Variants in TTC33 observed in about 807,000 individuals in gnomAD.
TTC33 encodes tetratricopeptide repeat domain 33, also known as tetratricopeptide repeat protein 33.
A neutral mutation model predicts 29.4 loss-of-function variants in TTC33; 24 were observed. That is an observed-to-expected ratio of 0.82 (90% CI 0.59 to 1.15). The LOEUF is 1.15. Ranked by LOEUF, TTC33 falls within the 50% of genes most tolerant of loss-of-function variation. The pLI is 0.00. For synonymous variants in TTC33, 107 were observed against 100.3 expected, an observed-to-expected ratio of 1.07 and a Z score of -0.40; for missense variants, 286 against 310.4, an observed-to-expected ratio of 0.92 and a Z score of 0.59.
intron 2 of TTC33, among the ~76,000 whole-genome samples, chr5:40,741,139 C>T (rs1033322413): frequency 6.6e-6 from 1 of 152,176 alleles, no homozygotes; most frequent in Non-Finnish European, 1.5e-5. Context: ...TGATTAGATG[C>T]TGAATATTTT....
chr5:40,733,960 G>A (rs1402438902), intron 2 of TTC33, among the ~76,000 whole-genome samples: 4 of 152,134 alleles, frequency 2.6e-5, no homozygotes, highest in Admixed American at 2.6e-4. Flanking sequence ...AAAGAAAAAT[G>A]TCCTCTCTTC....
chr5:40,738,613 G>T (rs1182422619), intron 2 of TTC33, among the ~76,000 whole-genome samples: 1 of 118,568 alleles, frequency 8.4e-6, no homozygotes, highest in South Asian at 2.8e-4. Flanking sequence ...ATAAAAAAGT[G>T]AAACAACCAG....
intron 2 of TTC33, among the ~76,000 whole-genome samples, chr5:40,734,050 C>T (rs555976211): frequency 1.3e-5 from 2 of 152,296 alleles, no homozygotes; most frequent in South Asian, 4.1e-4. Flanking sequence ...TGCTTTGTTG[C>T]CAACGAGGCC....
At chr5:40,753,788 CA>C (rs2111945967) in intron 1 of TTC33, among the ~76,000 whole-genome samples, 1 of 152,126 alleles carries the variant, frequency 6.6e-6, no homozygotes, top group South Asian at 2.1e-4. Flanking sequence ...TTCAAGATTC[CA>C]AATGAAACTT....
At chr5:40,727,717 A>G (rs1327055354) in intron 4 of TTC33, among the ~76,000 whole-genome samples, 1 of 152,202 alleles carries the variant, frequency 6.6e-6, no homozygotes, top group Non-Finnish European at 1.5e-5. Flanking sequence ...GTAATGATCC[A>G]AAGAACTAAG....
chr5:40,726,517 CAG>C (rs1435810609), intron 4 of TTC33, among the ~76,000 whole-genome samples: 1 of 146,260 alleles, frequency 6.8e-6, no homozygotes, highest in African/African-American at 2.5e-5. Flanking sequence ...TACATAAAAA[CAG>C]AGAAGATTCC....
At chr5:40,747,116 T>G (rs1053161339) in intron 1 of TTC33, 97 bp from the exon 2 acceptor site, 5 of 1,077,256 alleles carry the variant, frequency 4.6e-6, no homozygotes, top group Non-Finnish European at 6.6e-6. Flanking sequence ...TGGAGTACGA[T>G]GGCACGACCT....
rs189335584 is a variant in TTC33 at position 40,751,818 on chromosome 5, G to T, written c.-2+4006C>A. On this transcript the variant is annotated intron_variant, in intron 1 of 4. Transcript: ENST00000337702. The stretch of plus-strand genomic sequence containing the variant: ...CTAAAAATACAAAAATTAGCTGGGC[G>T]TGGTGGCGCACGCCTGTAGTCCCAG... Among the ~76,000 whole-genome samples, 279 of 152,162 alleles carry T rather than the reference G, an allele frequency of 1.8e-3. 1 individual carries two copies. Among genetic ancestry groups the T allele is most frequent in the Middle Eastern group, 0.017 (5 of 294 alleles).
chr5:40,726,697 TCC>T (rs1277260911), intron 4 of TTC33, among the ~76,000 whole-genome samples: 4 of 152,052 alleles, frequency 2.6e-5, no homozygotes, highest in Non-Finnish European at 5.9e-5. Context: ...TCAAAGTATC[TCC>T]GTCTCACCTG....
chr5:40,740,967 ATGTT>A (rs1401901590), intron 2 of TTC33, among the ~76,000 whole-genome samples: 3 of 151,988 alleles, frequency 2.0e-5, no homozygotes, highest in East Asian at 1.9e-4. Flanking sequence ...ACTCCTCATT[ATGTT>A]TGTTTCCCTT....
chr5:40,722,658 G>A (rs1306394104), intron 4 of TTC33, among the ~76,000 whole-genome samples: 1 of 149,638 alleles, frequency 6.7e-6, no homozygotes, highest in African/African-American at 2.5e-5. Context: ...AGTGAGGCGT[G>A]TCTCCGCCCC....
Position 40,749,588 on chromosome 5 carries a change from G to C in TTC33, c.-1-2569C>G, listed in dbSNP as rs193101650. ...TGCATAAGTTCGAGCAGGTTTCAAG[G>C]TCTTCATTACTGATGCACATGGCTG... On this transcript the variant is annotated intron_variant, in intron 1 of 4. Coordinates refer to ENST00000337702, the MANE Select transcript of TTC33 (RefSeq NM_012382.3). 2.6e-3 allele frequency among the ~76,000 whole-genome samples: 391 copies of C among 152,276 alleles called. 1 individual carries two copies. Among genetic ancestry groups the C allele is most frequent in the Admixed American group, 4.0e-3 (61 of 15,294 alleles).
chr5:40,752,193 T>C (rs1349579642), intron 1 of TTC33, among the ~76,000 whole-genome samples: 1 of 152,254 alleles, frequency 6.6e-6, no homozygotes, highest in Non-Finnish European at 1.5e-5. Flanking sequence ...AAACTTGCTC[T>C]AAATGAGGCT....
chr5:40,736,744 T>G (rs1036615892), intron 2 of TTC33, among the ~76,000 whole-genome samples: 2 of 152,152 alleles, frequency 1.3e-5, no homozygotes, highest in African/African-American at 4.8e-5. Context: ...CCTCCAAAAT[T>G]CTATAAGATA....
At chr5:40,722,849 G>A (rs1400786248) in intron 4 of TTC33, among the ~76,000 whole-genome samples, 5 of 151,318 alleles carry the variant, frequency 3.3e-5, no homozygotes, top group African/African-American at 7.3e-5. Context: ...CAGCTGCCCC[G>A]TCCGGGAGGT....
intron 4 of TTC33, among the ~76,000 whole-genome samples, chr5:40,724,906 G>A (rs1280964042): frequency 6.8e-6 from 1 of 147,082 alleles, no homozygotes; most frequent in Non-Finnish European, 1.5e-5. Flanking sequence ...ATGCTGGAGT[G>A]CAGTGGTGCG....
intron 3 of TTC33, among the ~76,000 whole-genome samples, chr5:40,729,855 C>T (rs772295857): frequency 1.2e-4 from 18 of 152,098 alleles, no homozygotes; most frequent in African/African-American, 3.9e-4. Flanking sequence ...TGTGCCACCA[C>T]GCCCAGCTAA....
intron 3 of TTC33, 68 bp from the exon 4 acceptor site, chr5:40,728,544 C>T (rs1742351141): frequency 2.1e-6 from 3 of 1,419,776 alleles, no homozygotes; most frequent in Admixed American, 2.5e-5. Flanking sequence ...ATAAAAAACC[C>T]TTTTCATTTT....
rs149085530 is a variant in TTC33, at chr5:40,746,884, T to C, written c.135A>G (p.Lys45=). ...NDEGNWLHAI[K]RRKEILLEGC... The stretch of plus-strand genomic sequence containing the variant: ...CTTCAAGAAGAATTTCTTTCCTACG[T>C]TTAATGGCATGAAGCCAGTTCCCTT... Residue 45 remains lysine, a synonymous_variant, in exon 2 of 5, where the codon AAA becomes AAG. Coordinates refer to ENST00000337702, the MANE Select transcript of TTC33 (RefSeq NM_012382.3). 8.1e-6 allele frequency: 13 copies of C among 1,614,030 alleles called. No individual in the cohort carries two copies. Among genetic ancestry groups the C allele is most frequent in the Non-Finnish European group, 1.1e-5 (13 of 1,180,026 alleles).
Sources: allele counts gnomAD v4.1 joint callset (sites outside exome capture counted in the v4.1 genomes callset), GRCh38; gene constraint gnomAD v4.1.1; transcripts MANE v1.5; gene names NCBI Gene and HGNC (gene_info 2026-07-23, HGNC 2026-07-21).